Variants in AKAP11 observed in about 807,000 individuals in gnomAD.
AKAP11 encodes A-kinase anchor protein 11.
In AKAP11, 36 loss-of-function variants were observed where a neutral mutation model predicts 146.1. That is an observed-to-expected ratio of 0.25 (90% CI 0.19 to 0.33). AKAP11 has a LOEUF of 0.33. Ranked by LOEUF, AKAP11 falls within the 10% of genes least tolerant of loss-of-function variation. AKAP11 has a pLI of 1.00. For synonymous variants in AKAP11, 780 were observed against 786.5 expected (o/e 0.99, Z 0.14); for missense variants, 2,201 against 2,197.0 (o/e 1.00, Z -0.04).
chr13:42,316,586 G>A (rs896019337), intron 11 of AKAP11, among the ~76,000 whole-genome samples: 2 of 152,216 alleles, frequency 1.3e-5, no homozygotes, highest in Admixed American at 6.5e-5. Flanking sequence ...GGTGTAAGTG[G>A]TTGCATATGG....
At chr13:42,312,903 C>G in intron 9 of AKAP11, 144 bp from the exon 10 acceptor site, 1 of 663,782 alleles carries the variant, frequency 1.5e-6, no homozygotes, top group Non-Finnish European at 2.6e-6. Context: ...GAGTGATGGT[C>G]AATCTCCTCT....
At chr13:42,291,498 C>G (rs578183922) in intron 3 of AKAP11, among the ~76,000 whole-genome samples, 1 of 152,162 alleles carries the variant, frequency 6.6e-6, no homozygotes, top group African/African-American at 2.4e-5. Context: ...AGTGATCCAC[C>G]CGCCTCCCAA....
intron 10 of AKAP11, 87 bp from the exon 11 acceptor site, chr13:42,313,807 A>G (rs1960679770): frequency 1.8e-6 from 2 of 1,127,656 alleles, no homozygotes; most frequent in South Asian, 1.4e-5. Flanking sequence ...TGTAACATTC[A>G]TTCATTACCA....
Position 42,300,744 on chromosome 13 carries a change from A to T in AKAP11, c.1998A>T (p.Ser666=). The T allele has an allele frequency of 6.2e-7, 1 of 1,614,092 alleles. No homozygotes were observed. Among genetic ancestry groups the T allele is most frequent in the African/African-American group, 1.3e-5 (1 of 75,058 alleles). The change falls in exon 8 of 13, where the codon TCA becomes TCT. Residue 666 remains serine, a synonymous_variant. Transcript: ENST00000025301. ...FEGIMEVCQF[S]YPQTPASPQC... ...GCATCATGGAGGTGTGTCAGTTTTC[A>T]TATCCTCAAACGCCTGCATCTCCAC...
intron 10 of AKAP11, 52 bp downstream of exon 10, chr13:42,313,182 A>G (rs1206289328): frequency 1.5e-6 from 2 of 1,319,230 alleles, no homozygotes; most frequent in African/African-American, 3.0e-5. Flanking sequence ...CCACTAATGC[A>G]TGATGTCATA....
chr13:42,281,419 T>C (rs1459946460), intron 1 of AKAP11, among the ~76,000 whole-genome samples: 1 of 152,158 alleles, frequency 6.6e-6, no homozygotes, highest in African/African-American at 2.4e-5. Context: ...ACTAGTGCAG[T>C]AGGAAGAGAG....
At position 42,280,229 on chromosome 13, in the gene AKAP11, C is replaced by T. The variant is rs564452599; in HGVS notation, c.-99-5757C>T. On this transcript the variant is annotated intron_variant, in intron 1 of 12. Coordinates refer to ENST00000025301, the MANE Select transcript of AKAP11 (RefSeq NM_016248.4). ...TTTCCCTTCTCTCAGGGATCACAAT[C>T]CCGTGTTCCCTGTTGTCTGATGTTT... is the stretch of plus-strand genomic sequence containing the variant. Among the ~76,000 whole-genome samples, 8 of 152,290 alleles carry T rather than the reference C, an allele frequency of 5.3e-5. No individual in the cohort carries two copies. The East Asian group carries it at 1.4e-3, about 26-fold the overall frequency.
chr13:42,289,097 T>C (rs1222485138), intron 3 of AKAP11, among the ~76,000 whole-genome samples: 1 of 152,124 alleles, frequency 6.6e-6, no homozygotes, highest in South Asian at 2.1e-4. Flanking sequence ...GCAAATATCC[T>C]TTTTTTCCCC....
intron 12 of AKAP11, 102 bp downstream of exon 12, chr13:42,317,790 A>G: frequency 7.5e-7 from 1 of 1,337,132 alleles, no homozygotes; most frequent in Non-Finnish European, 1.0e-6. Flanking sequence ...TTAAATTCTT[A>G]GGCTGTAGTG....
At chr13:42,316,871 C>T (rs1257429359) in intron 11 of AKAP11, among the ~76,000 whole-genome samples, 1 of 152,074 alleles carries the variant, frequency 6.6e-6, no homozygotes, top group Admixed American at 6.5e-5. Flanking sequence ...TTTGAGATTT[C>T]TGTTTTTTTG....
chr13:42,294,441 T>A (rs1170371984), intron 4 of AKAP11, among the ~76,000 whole-genome samples: 1 of 152,156 alleles, frequency 6.6e-6, no homozygotes, highest in Non-Finnish European at 1.5e-5. Context: ...CTTGCCCTGC[T>A]GCCCAGGCTG....
At chr13:42,308,205 GA>G (rs1328732806) in intron 8 of AKAP11, among the ~76,000 whole-genome samples, 1 of 152,186 alleles carries the variant, frequency 6.6e-6, no homozygotes, top group Admixed American at 6.5e-5. Context: ...ATGCCCTAGG[GA>G]TAGATCCATT....
intron 3 of AKAP11, among the ~76,000 whole-genome samples, chr13:42,288,815 T>C (rs1484401770): frequency 6.6e-6 from 1 of 152,226 alleles, no homozygotes; most frequent in Non-Finnish European, 1.5e-5. Flanking sequence ...TCTCTGGTTG[T>C]TTTCTCATAT....
intron 3 of AKAP11, 40 bp from the exon 4 acceptor site, chr13:42,292,345 T>C: frequency 7.8e-7 from 1 of 1,287,628 alleles, no homozygotes; most frequent in Non-Finnish European, 1.1e-6. Context: ...GTCTTAGAAT[T>C]AAATAAATTT....
At chr13:42,309,846 G>A (rs542820237) in intron 9 of AKAP11, among the ~76,000 whole-genome samples, 22 of 152,272 alleles carry the variant, frequency 1.4e-4, no homozygotes, top group East Asian at 3.9e-4. Flanking sequence ...AAATCCTGGC[G>A]TTAAAATGGG....
At chr13:42,310,837 C>T (rs893834674) in intron 9 of AKAP11, among the ~76,000 whole-genome samples, 8 of 144,896 alleles carry the variant, frequency 5.5e-5, no homozygotes, top group Non-Finnish European at 1.2e-4. Flanking sequence ...CCATCCTGGG[C>T]GACAGAGACA....
At position 42,302,392 on chromosome 13, in the gene AKAP11, T is replaced by G; in HGVS notation, c.3646T>G (p.Ser1216Ala). 6.2e-7 allele frequency: 1 copy of G among 1,614,122 alleles called. No homozygotes were observed. Among genetic ancestry groups the G allele is most frequent in the Non-Finnish European group, 8.5e-7 (1 of 1,180,010 alleles). ...ILSLATEMAA[S>A]HLDNKIIQEP... ...TTCTCTTGCAACTGAAATGGCAGCT[T>G]CCCATTTAGATAACAAAATAATTCA... Residue 1216 changes from serine (S) to alanine (A), a missense_variant, in exon 8 of 13, where the codon TCC becomes GCC. Ser to Ala is a moderately conservative substitution (Grantham distance 99). This residue lies in a region of AKAP11 where 1,867 missense variants were observed against 1,833.5 expected (regional missense o/e 1.02). Coordinates refer to ENST00000025301, the MANE Select transcript of AKAP11 (RefSeq NM_016248.4).
chr13:42,296,011 A>G (rs1959492639), intron 5 of AKAP11, among the ~76,000 whole-genome samples: 2 of 152,222 alleles, frequency 1.3e-5, no homozygotes, highest in South Asian at 4.1e-4. Context: ...AGCCAATGCA[A>G]AAATTTAGCC....
rs79216511 is a variant in AKAP11 at position 42,280,208 on chromosome 13, C to T, written c.-99-5778C>T. Among the ~76,000 whole-genome samples the T allele has an allele frequency of 4.0e-4, 61 of 152,194 alleles. 1 individual carries two copies. The East Asian group carries it at 0.011, about 28-fold the overall frequency. On this transcript the variant is annotated intron_variant, in intron 1 of 12. Transcript: ENST00000025301. ...GGAAGTAGCTGGCAGCCAGTGTTTC[C>T]CTTCTCTCAGGGATCACAATCCCGT... is the stretch of plus-strand genomic sequence containing the variant.
Sources: gnomAD v4.1 joint callset for allele counts (sites outside exome capture counted in the v4.1 genomes callset) on GRCh38, gnomAD v4.1.1 for gene constraint, gnomAD v4.1.1 regional missense constraint, MANE v1.5 for transcripts, NCBI Gene and HGNC (gene_info 2026-07-23, HGNC 2026-07-21) for gene names.